Variants in CTNNA3 observed in about 807,000 individuals in gnomAD.
CTNNA3 encodes catenin alpha 3.
Under a neutral mutation model 95.7 loss-of-function variants are expected in CTNNA3, and 76 were observed. The observed-to-expected ratio is 0.79, with a 90% CI of 0.66 to 0.96. The LOEUF (loss-of-function observed/expected upper bound fraction) is 0.96, where lower values mean the gene tolerates loss of function less well. CTNNA3 is among the 40% of genes least tolerant of loss of function. CTNNA3 has a pLI of 0.00. For missense variants in CTNNA3, 1,191 were observed against 1,089.8 expected (o/e 1.09, Z -1.31); for synonymous variants, 431 against 374.4 (o/e 1.15, Z -1.74).
chr10:66,997,688 C>T (rs1851432671), intron 7 of CTNNA3, among the ~76,000 whole-genome samples: 1 of 152,174 alleles, frequency 6.6e-6, no homozygotes, highest in Non-Finnish European at 1.5e-5. Context: ...AGTTTGTCAT[C>T]TAAATACCTC....
intron 5 of CTNNA3, among the ~76,000 whole-genome samples, chr10:67,274,711 C>T (rs946073021): frequency 6.6e-6 from 1 of 151,854 alleles, no homozygotes; most frequent in African/African-American, 2.4e-5. Flanking sequence ...TGCCTGTGTC[C>T]CCAGCTACTC....
chr10:66,454,708 C>T (rs2093484592), intron 11 of CTNNA3, among the ~76,000 whole-genome samples: 1 of 151,310 alleles, frequency 6.6e-6, no homozygotes, highest in African/African-American at 2.4e-5. Flanking sequence ...AGAGGTAACA[C>T]TTTCCATTTC....
At chr10:66,781,541 C>T (rs1840537356) in intron 7 of CTNNA3, among the ~76,000 whole-genome samples, 1 of 152,084 alleles carries the variant, frequency 6.6e-6, no homozygotes, top group Admixed American at 6.6e-5. Context: ...AATGATCTGT[C>T]AGAAATAAGG....
rs1432275036 is a variant in CTNNA3 at position 66,038,260 on chromosome 10, T to A, written c.2159+31048A>T. On this transcript the variant is annotated intron_variant, in intron 15 of 17. Transcript: ENST00000433211. ...ATGGATATCTTTCTTACTTGAAGTG[T>A]GTTCCTTCTGATGGTGATGGCAACT... Among the ~76,000 whole-genome samples, 6 of 152,350 alleles carry A rather than the reference T, an allele frequency of 3.9e-5. No homozygotes were observed. The East Asian group carries it at 1.2e-3, about 29-fold the overall frequency.
intron 12 of CTNNA3, among the ~76,000 whole-genome samples, chr10:66,289,844 T>C (rs2091649884): frequency 6.6e-6 from 1 of 152,084 alleles, no homozygotes; most frequent in Admixed American, 6.6e-5. Context: ...ATGTAAACTA[T>C]GATTATGAAA....
rs185729736 is a variant in CTNNA3 at position 67,658,635 on chromosome 10, C to A, written c.-5-11117G>T. Among the ~76,000 whole-genome samples, 4 of 152,234 alleles carry A rather than the reference C, an allele frequency of 2.6e-5. No homozygotes were observed. The East Asian group carries it at 7.7e-4, about 29-fold the overall frequency. On this transcript the variant is annotated intron_variant, in intron 1 of 17. Coordinates refer to ENST00000433211, the MANE Select transcript of CTNNA3 (RefSeq NM_013266.4). ...TTAAAAAAAACAAACAAACACATTCCTAATGCACAACAGCCTCCTAAAGGA... is the reference window on the plus strand; with the variant it reads ...TTAAAAAAAACAAACAAACACATTCATAATGCACAACAGCCTCCTAAAGGA...
At chr10:67,149,781 C>G (rs1348712633) in intron 7 of CTNNA3, among the ~76,000 whole-genome samples, 1 of 152,136 alleles carries the variant, frequency 6.6e-6, no homozygotes, top group African/African-American at 2.4e-5. Flanking sequence ...GGTCCATAGT[C>G]AATATTCAAA....
intron 5 of CTNNA3, among the ~76,000 whole-genome samples, chr10:67,392,488 G>A (rs1844539601): frequency 3.3e-5 from 5 of 152,226 alleles, no homozygotes; most frequent in Admixed American, 3.3e-4. Flanking sequence ...CATTGTGGAA[G>A]TCAGTGTGGT....
chr10:67,089,764 C>T (rs1318814811), intron 7 of CTNNA3, among the ~76,000 whole-genome samples: 1 of 146,002 alleles, frequency 6.8e-6, no homozygotes, highest in East Asian at 2.0e-4. Context: ...GACAGAAACA[C>T]ATATACTGTA....
intron 13 of CTNNA3, among the ~76,000 whole-genome samples, chr10:66,145,908 C>T (rs2083859649): frequency 6.6e-6 from 1 of 152,126 alleles, no homozygotes; most frequent in African/African-American, 2.4e-5. Context: ...GGCTGGAGTG[C>T]AGTGGCATGA....
chr10:65,966,116 A>G (rs901086767), intron 17 of CTNNA3, among the ~76,000 whole-genome samples: 2 of 152,202 alleles, frequency 1.3e-5, no homozygotes, highest in Admixed American at 6.5e-5. Flanking sequence ...CTCTAAATCT[A>G]TTAAGTTTTA....
At chr10:67,094,880 A>G (rs1245184866) in intron 7 of CTNNA3, among the ~76,000 whole-genome samples, 1 of 151,674 alleles carries the variant, frequency 6.6e-6, no homozygotes, top group African/African-American at 2.4e-5. Context: ...TATGTATACT[A>G]TATTTACATG....
chr10:66,536,726 T>C (rs1041264167), intron 10 of CTNNA3, among the ~76,000 whole-genome samples: 1 of 152,022 alleles, frequency 6.6e-6, no homozygotes, highest in African/African-American at 2.4e-5. Flanking sequence ...AGCCTGAAAG[T>C]AACATGATGA....
rs28360742 is a variant in CTNNA3 at position 66,441,741 on chromosome 10, A to T, written c.1532-62389T>A. Reference sequence around the variant, plus strand: ...ATAAAAACACTGTGTGCAAATGTTCAATATACATGTAGCTGGAAATAGATA... The same window carrying T: ...ATAAAAACACTGTGTGCAAATGTTCTATATACATGTAGCTGGAAATAGATA... On this transcript the variant is annotated intron_variant, in intron 11 of 17. Transcript: ENST00000433211. Among the ~76,000 whole-genome samples, 1,257 of 152,236 alleles carry T rather than the reference A, an allele frequency of 8.3e-3. 20 individuals are homozygous for T. The highest frequency in any genetic ancestry group is 0.03 in the Admixed American group (456 of 15,288).
At chr10:67,475,439 A>T (rs1847974980) in intron 5 of CTNNA3, among the ~76,000 whole-genome samples, 1 of 152,194 alleles carries the variant, frequency 6.6e-6, no homozygotes, top group Admixed American at 6.5e-5. Context: ...AATCTGTCAT[A>T]AAAAAATTCC....
chr10:66,864,846 A>C (rs1339956192), intron 7 of CTNNA3, among the ~76,000 whole-genome samples: 1 of 152,152 alleles, frequency 6.6e-6, no homozygotes, highest in Admixed American at 6.6e-5. Context: ...CCTAAAATAC[A>C]TATATATTCT....
At position 66,707,788 on chromosome 10, in the gene CTNNA3, G is replaced by A. The variant is rs568854686; in HGVS notation, c.1281+58476C>T. ...GTGTCAGCTGGTGTTAACTAACCAG[G>A]CAACTACTATGGATGTAAACAATAA... is the stretch of plus-strand genomic sequence containing the variant. On this transcript the variant is annotated intron_variant, in intron 9 of 17. Transcript: ENST00000433211. Among the ~76,000 whole-genome samples the A allele has an allele frequency of 7.9e-5, 12 of 152,128 alleles. No individual in the cohort carries two copies. The East Asian group carries it at 1.9e-3, about 25-fold the overall frequency.
At chr10:67,600,316 GT>G (rs909813039) in intron 3 of CTNNA3, among the ~76,000 whole-genome samples, 8 of 151,012 alleles carry the variant, frequency 5.3e-5, no homozygotes, top group South Asian at 2.1e-4. Flanking sequence ...TGTTAACAAA[GT>G]TTTTTTTTAA....
intron 2 of CTNNA3, among the ~76,000 whole-genome samples, chr10:67,647,075 A>T (rs1486598390): frequency 6.6e-6 from 1 of 150,506 alleles, no homozygotes; most frequent in African/African-American, 2.4e-5. Flanking sequence ...GATGGTTTTA[A>T]CCATGTTACC....
Sources: allele counts gnomAD v4.1 joint callset (sites outside exome capture counted in the v4.1 genomes callset), GRCh38; gene constraint gnomAD v4.1.1; transcripts MANE v1.5; gene names NCBI Gene and HGNC (gene_info 2026-07-23, HGNC 2026-07-21).